SPATA17: variants seen among roughly 807,000 people sequenced by gnomAD.
SPATA17 encodes spermatogenesis-associated protein 17.
SPATA17 carries 53 observed loss-of-function variants against 62.2 expected under a neutral mutation model. That is an observed-to-expected ratio of 0.85 (90% CI 0.68 to 1.07). SPATA17 has a LOEUF of 1.07. Ranked by LOEUF, SPATA17 falls within the 50% of genes least tolerant of loss-of-function variation. The pLI, the probability that SPATA17 is intolerant of heterozygous loss-of-function variation, is 0.00. For missense variants in SPATA17, 466 were observed against 425.5 expected, an observed-to-expected ratio of 1.10 and a Z score of -0.84; for synonymous variants, 146 against 146.8, an observed-to-expected ratio of 0.99 and a Z score of 0.04.
chr1:217,848,734 T>A (rs1675581424), intron 9 of SPATA17, among the ~76,000 whole-genome samples: 1 of 152,164 alleles, frequency 6.6e-6, no homozygotes, highest in Admixed American at 6.5e-5. Flanking sequence ...TTCTGCTTTG[T>A]GAAAAATTTT....
intron 3 of SPATA17, among the ~76,000 whole-genome samples, chr1:217,668,652 T>C (rs560251466): frequency 2.6e-4 from 39 of 152,288 alleles, no homozygotes; most frequent in African/African-American, 8.9e-4. Context: ...ATGAATTCCT[T>C]TTATGTTTCT....
chr1:217,862,428 T>C (rs1314312588), intron 9 of SPATA17, among the ~76,000 whole-genome samples: 1 of 152,186 alleles, frequency 6.6e-6, no homozygotes, highest in Non-Finnish European at 1.5e-5. Flanking sequence ...CAAATATTTA[T>C]TATGCAGAAA....
At chr1:217,748,637 C>T (rs925271058) in intron 6 of SPATA17, among the ~76,000 whole-genome samples, 2 of 146,568 alleles carry the variant, frequency 1.4e-5, no homozygotes, top group South Asian at 2.3e-4. Context: ...CCCATCTACT[C>T]GGAGGCTGAG....
At chr1:217,734,092 A>T (rs1461674718) in intron 5 of SPATA17, among the ~76,000 whole-genome samples, 1 of 152,204 alleles carries the variant, frequency 6.6e-6, no homozygotes, top group Non-Finnish European at 1.5e-5. Context: ...ACTTCCAGAT[A>T]ATCTATTCCA....
In SPATA17 at chr1:217,870,569, T is replaced by C. The variant is rs540105822; in HGVS notation, c.*3550T>C. On this transcript the variant is annotated 3_prime_UTR_variant, in exon 11 of 11. Transcript: ENST00000366933. ...TATATACTACTTCTTTTCTATATTC[T>C]CAATATGAGCCACTTAAGAAAATTA... The C allele has an allele frequency of 1.1e-4, 17 of 152,302 alleles. No individual in the cohort carries two copies. Among genetic ancestry groups the C allele is most frequent in the Non-Finnish European group, 2.2e-4 (15 of 68,026 alleles). The allele number at this position is 152,302 out of a possible 1,614,324, so 9.4% of individuals were successfully genotyped here.
chr1:217,850,671 C>T (rs1313680302), intron 9 of SPATA17: 9 of 1,490,590 alleles, frequency 6.0e-6, no homozygotes, highest in Non-Finnish European at 8.3e-6. Context: ...CTGCGAATCG[C>T]CAGTCATGTC....
chr1:217,752,893 G>T (rs1461403081), intron 6 of SPATA17, among the ~76,000 whole-genome samples: 2 of 152,046 alleles, frequency 1.3e-5, no homozygotes, highest in African/African-American at 4.8e-5. Context: ...GAATATTCCT[G>T]GGAGGTATTT....
intron 4 of SPATA17, among the ~76,000 whole-genome samples, chr1:217,682,451 A>T (rs1315254903): frequency 1.3e-5 from 2 of 151,968 alleles, no homozygotes; most frequent in Non-Finnish European, 2.9e-5. Context: ...AAGATGTAAG[A>T]AGCAGATAAT....
chr1:217,667,459 T>C (rs1670725696), intron 3 of SPATA17, among the ~76,000 whole-genome samples: 1 of 152,198 alleles, frequency 6.6e-6, no homozygotes, highest in Non-Finnish European at 1.5e-5. Flanking sequence ...GCACCTTAGA[T>C]ACTTGATCTC....
intron 5 of SPATA17, among the ~76,000 whole-genome samples, chr1:217,708,412 C>G (rs1302704005): frequency 1.3e-5 from 2 of 152,192 alleles, no homozygotes; most frequent in Non-Finnish European, 2.9e-5. Flanking sequence ...AACCCAGAGA[C>G]TACTATGAAT....
chr1:217,766,764 G>A (rs1301852803), intron 6 of SPATA17, among the ~76,000 whole-genome samples: 1 of 142,734 alleles, frequency 7.0e-6, no homozygotes, highest in African/African-American at 2.6e-5. Flanking sequence ...TCTTACTTTA[G>A]GTTCACGGGG....
intron 9 of SPATA17, among the ~76,000 whole-genome samples, chr1:217,825,285 A>G (rs888076405): frequency 2.0e-5 from 3 of 151,832 alleles, no homozygotes; most frequent in Non-Finnish European, 2.9e-5. Flanking sequence ...TCTTTTTTGT[A>G]TTCATATAAA....
intron 5 of SPATA17, among the ~76,000 whole-genome samples, chr1:217,724,975 G>T (rs1672229341): frequency 6.6e-6 from 1 of 151,880 alleles, no homozygotes; most frequent in African/African-American, 2.4e-5. Flanking sequence ...GAAACATGTT[G>T]GCCTTTCAGT....
At chr1:217,815,383 G>A (rs1018457097) in intron 9 of SPATA17, among the ~76,000 whole-genome samples, 8 of 152,142 alleles carry the variant, frequency 5.3e-5, no homozygotes, top group African/African-American at 1.9e-4. Context: ...GAATTCGAAT[G>A]GATATTTATG....
At chr1:217,779,238 A>T (rs572569344) in intron 7 of SPATA17, among the ~76,000 whole-genome samples, 4 of 151,752 alleles carry the variant, frequency 2.6e-5, no homozygotes, top group African/African-American at 9.7e-5. Flanking sequence ...TGGCAGAATT[A>T]AAAAATATGT....
At chr1:217,720,931 T>A (rs1449477426) in intron 5 of SPATA17, among the ~76,000 whole-genome samples, 1 of 152,166 alleles carries the variant, frequency 6.6e-6, no homozygotes, top group South Asian at 2.1e-4. Context: ...GAACTATTGA[T>A]AGTCACTGAA....
chr1:217,663,276 C>A (rs541700116), intron 3 of SPATA17, among the ~76,000 whole-genome samples: 1 of 152,140 alleles, frequency 6.6e-6, no homozygotes, highest in Non-Finnish European at 1.5e-5. Context: ...GAAACCCTGT[C>A]TCTATTAAAA....
chr1:217,774,622 A>G, intron 7 of SPATA17, 85 bp downstream of exon 7: 1 of 1,123,814 alleles, frequency 8.9e-7, no homozygotes, highest in Non-Finnish European at 1.3e-6. Context: ...TCTTAATTTA[A>G]CCATTTTTAA....
chr1:217,717,718 A>G (rs1672040133), intron 5 of SPATA17, among the ~76,000 whole-genome samples: 1 of 152,048 alleles, frequency 6.6e-6, no homozygotes, highest in African/African-American at 2.4e-5. Context: ...GTTTGACATT[A>G]ATAGAAATGA....
Sources: allele counts gnomAD v4.1 joint callset (sites outside exome capture counted in the v4.1 genomes callset), GRCh38; gene constraint gnomAD v4.1.1; transcripts MANE v1.5; gene names NCBI Gene and HGNC (gene_info 2026-07-23, HGNC 2026-07-21).